DPY19L1: variants seen among roughly 807,000 people sequenced by gnomAD.
The protein encoded by DPY19L1 is protein C-mannosyl-transferase DPY19L1.
Under a neutral mutation model 96.9 loss-of-function variants are expected in DPY19L1, and 35 were observed. That is an observed-to-expected ratio of 0.36 (90% CI 0.28 to 0.48). The LOEUF (loss-of-function observed/expected upper bound fraction) is 0.48. Ranked by LOEUF, DPY19L1 falls within the 20% of genes least tolerant of loss-of-function variation. The probability of loss-of-function intolerance (pLI) is 0.99; values close to 1 mark genes in which losing one functional copy is unlikely to be tolerated. For missense variants in DPY19L1, 521 were observed against 777.9 expected (o/e 0.67, Z 3.93); for synonymous variants, 205 against 252.6 (o/e 0.81, Z 1.79).
chr7:35,025,386 A>G (rs1167827982), intron 1 of DPY19L1, among the ~76,000 whole-genome samples: 1 of 152,090 alleles, frequency 6.6e-6, no homozygotes, highest in Non-Finnish European at 1.5e-5. Flanking sequence ...ATAAAATAAT[A>G]AGAGAACACA....
chr7:34,967,581 G>A (rs1784637949), intron 9 of DPY19L1, among the ~76,000 whole-genome samples: 1 of 152,052 alleles, frequency 6.6e-6, no homozygotes, highest in African/African-American at 2.4e-5. Context: ...ATAATTCTAA[G>A]AGTACTGGAA....
chr7:35,001,895 G>A (rs946928592), intron 6 of DPY19L1, among the ~76,000 whole-genome samples: 2 of 152,072 alleles, frequency 1.3e-5, no homozygotes, highest in African/African-American at 2.4e-5. Context: ...GGAGGCTGAG[G>A]CGGGCGGATC....
At chr7:34,990,069 T>C (rs1785134237) in intron 6 of DPY19L1, 128 bp from the exon 7 acceptor site, 1 of 513,868 alleles carries the variant, frequency 1.9e-6, no homozygotes, top group South Asian at 6.1e-5. Flanking sequence ...AACTCTCCTA[T>C]GCTTATTTAC....
intron 13 of DPY19L1, among the ~76,000 whole-genome samples, chr7:34,954,008 T>C (rs559964778): frequency 6.6e-6 from 1 of 152,102 alleles, no homozygotes; most frequent in Non-Finnish European, 1.5e-5. Flanking sequence ...AAGAAGAAAA[T>C]CACCAATAAA....
intron 8 of DPY19L1, among the ~76,000 whole-genome samples, chr7:34,970,649 CTAAA>C (rs1242644692): frequency 6.6e-6 from 1 of 152,032 alleles, no homozygotes; most frequent in Non-Finnish European, 1.5e-5. Context: ...CTTTTGAATA[CTAAA>C]TATGATTTTC....
chr7:34,979,537 G>A (rs1293194780), intron 7 of DPY19L1, among the ~76,000 whole-genome samples: 1 of 152,082 alleles, frequency 6.6e-6, no homozygotes, highest in Non-Finnish European at 1.5e-5. Flanking sequence ...AATAACTGGA[G>A]AAATACTGAA....
intron 4 of DPY19L1, among the ~76,000 whole-genome samples, chr7:35,013,114 T>C (rs1178413415): frequency 1.3e-5 from 2 of 152,172 alleles, no homozygotes; most frequent in Admixed American, 6.6e-5. Flanking sequence ...ATATATTCTA[T>C]TGAACTAGAG....
chr7:35,007,391 A>G (rs556368798), intron 6 of DPY19L1, among the ~76,000 whole-genome samples: 13 of 152,346 alleles, frequency 8.5e-5, no homozygotes, highest in Non-Finnish European at 1.9e-4. Context: ...GGCCAGCTAA[A>G]GCACAAAGCA....
intron 3 of DPY19L1, among the ~76,000 whole-genome samples, chr7:35,015,268 C>G (rs1355636867): frequency 6.6e-6 from 1 of 152,138 alleles, no homozygotes. Flanking sequence ...AAGAAGATTT[C>G]AAGTAACATT....
chr7:34,995,039 A>C (rs929322107), intron 6 of DPY19L1, among the ~76,000 whole-genome samples: 1 of 152,098 alleles, frequency 6.6e-6, no homozygotes, highest in Non-Finnish European at 1.5e-5. Context: ...AAAGAGGCCG[A>C]TTTTTTTCTA....
At chr7:34,989,057 T>G (rs1395577313) in intron 7 of DPY19L1, among the ~76,000 whole-genome samples, 1 of 152,166 alleles carries the variant, frequency 6.6e-6, no homozygotes, top group Non-Finnish European at 1.5e-5. Flanking sequence ...CAGAGCCACA[T>G]AGCAGTCAGG....
chr7:34,988,754 AT>A (rs1454521726), intron 7 of DPY19L1, among the ~76,000 whole-genome samples: 10 of 152,224 alleles, frequency 6.6e-5, no homozygotes, highest in African/African-American at 2.4e-4. Context: ...AAAATTTATC[AT>A]GAAAGAAATC....
intron 1 of DPY19L1, among the ~76,000 whole-genome samples, chr7:35,033,893 G>C (rs537538219): frequency 6.6e-6 from 1 of 151,966 alleles, no homozygotes; most frequent in South Asian, 2.1e-4. Context: ...CACTACTGGG[G>C]AGATACCAGT....
At chr7:35,033,735 C>G (rs576630796) in intron 1 of DPY19L1, among the ~76,000 whole-genome samples, 1 of 152,094 alleles carries the variant, frequency 6.6e-6, no homozygotes, top group Non-Finnish European at 1.5e-5. Flanking sequence ...AGTTTCTGAC[C>G]ACTTCTGCCT....
chr7:34,950,734 A>T (rs1166862564), intron 13 of DPY19L1, among the ~76,000 whole-genome samples: 1 of 152,204 alleles, frequency 6.6e-6, no homozygotes, highest in Non-Finnish European at 1.5e-5. Flanking sequence ...ATGTATGCTG[A>T]TAAGCATAAG....
chr7:35,017,065 A>G (rs1168552252), intron 3 of DPY19L1, among the ~76,000 whole-genome samples: 2 of 151,774 alleles, frequency 1.3e-5, no homozygotes, highest in African/African-American at 4.8e-5. Context: ...TGATTATATT[A>G]AGGATATTGT....
chr7:34,972,999 G>A (rs1289093310), intron 8 of DPY19L1, among the ~76,000 whole-genome samples: 1 of 152,194 alleles, frequency 6.6e-6, no homozygotes, highest in African/African-American at 2.4e-5. Flanking sequence ...TTATCAGTCT[G>A]AGTCATCTTC....
At chr7:34,981,138 T>C (rs1389477389) in intron 7 of DPY19L1, among the ~76,000 whole-genome samples, 1 of 152,114 alleles carries the variant, frequency 6.6e-6, no homozygotes, top group Non-Finnish European at 1.5e-5. Flanking sequence ...ACAGTTAAAA[T>C]ATACAAATCT....
chr7:34,945,541 A>T, intron 16 of DPY19L1, 126 bp downstream of exon 16: 1 of 688,242 alleles, frequency 1.5e-6, no homozygotes, highest in East Asian at 2.8e-5. Context: ...AAGGGAAATG[A>T]CCACAATAAA....
Sources: allele counts gnomAD v4.1 joint callset (sites outside exome capture counted in the v4.1 genomes callset), GRCh38; gene constraint gnomAD v4.1.1; transcripts MANE v1.5; gene names NCBI Gene and HGNC (gene_info 2026-07-23, HGNC 2026-07-21).